The following CMSS1 variants were observed in gnomAD, a reference collection of about 807,000 sequenced individuals.
The protein encoded by CMSS1 is cms1 ribosomal small subunit homolog, also known as protein CMSS1.
A neutral mutation model predicts 43.5 loss-of-function variants in CMSS1; 33 were observed. The ratio of observed to expected loss-of-function variants is 0.76; its 90% CI spans 0.57 to 1.01. The LOEUF (loss-of-function observed/expected upper bound fraction) is 1.01, where lower values mean the gene tolerates loss of function less well. Ranked by LOEUF, CMSS1 falls within the 50% of genes least tolerant of loss-of-function variation. The pLI is 0.00. For missense variants in CMSS1, 313 were observed against 326.4 expected (o/e 0.96, Z 0.32); for synonymous variants, 115 against 117.2 (o/e 0.98, Z 0.12).
At chr3:100,065,165 A>C (rs537572371) in intron 1 of CMSS1, among the ~76,000 whole-genome samples, 75 of 152,284 alleles carry the variant, frequency 4.9e-4, no homozygotes, top group African/African-American at 1.7e-3. Flanking sequence ...GTGATGTAAC[A>C]ATGCGGGTTC....
intron 1 of CMSS1, among the ~76,000 whole-genome samples, chr3:99,873,382 G>C (rs571544861): frequency 4.3e-4 from 66 of 152,300 alleles, no homozygotes; most frequent in African/African-American, 1.5e-3. Flanking sequence ...AACAACAGAT[G>C]GGGCCATTTC....
intron 1 of CMSS1, among the ~76,000 whole-genome samples, chr3:100,008,940 T>C (rs1013812024): frequency 4.6e-5 from 7 of 152,210 alleles, no homozygotes; most frequent in Non-Finnish European, 2.9e-5. Context: ...CCTATAAATA[T>C]AGGAAAGAAA....
At chr3:99,913,214 G>A (rs930270483) in intron 1 of CMSS1, among the ~76,000 whole-genome samples, 2 of 152,086 alleles carry the variant, frequency 1.3e-5, no homozygotes, top group African/African-American at 4.8e-5. Context: ...CCAATCTCTG[G>A]TATTTTGTCA....
intron 1 of CMSS1, among the ~76,000 whole-genome samples, chr3:99,883,526 T>TA (rs1413768287): frequency 4.6e-5 from 7 of 152,116 alleles, no homozygotes; most frequent in African/African-American, 1.7e-4. Context: ...GTGTGTTGGC[T>TA]GGGGGGTGTT....
intron 1 of CMSS1, among the ~76,000 whole-genome samples, chr3:100,015,247 A>G (rs1419685099): frequency 6.6e-6 from 1 of 151,758 alleles, no homozygotes; most frequent in South Asian, 2.1e-4. Flanking sequence ...GTTCCCTTGG[A>G]TTATATGTTT....
chr3:100,014,252 C>T (rs4279135), intron 1 of CMSS1, among the ~76,000 whole-genome samples: 28,036 of 151,568 alleles, frequency 0.18, 2,934 homozygotes, highest in South Asian at 0.25. Flanking sequence ...TCAATGGACA[C>T]CTAAGTTGAT....
intron 1 of CMSS1, among the ~76,000 whole-genome samples, chr3:100,053,538 T>C (rs1416933597): frequency 6.6e-6 from 1 of 152,192 alleles, no homozygotes; most frequent in African/African-American, 2.4e-5. Flanking sequence ...CTAATCCAGT[T>C]TGACCTCATC....
At chr3:100,014,120 G>T (rs1710247836) in intron 1 of CMSS1, among the ~76,000 whole-genome samples, 1 of 150,914 alleles carries the variant, frequency 6.6e-6, no homozygotes, top group Non-Finnish European at 1.5e-5. Context: ...ATGTCCTCCA[G>T]GTTCATCCAC....
chr3:99,918,034 G>A (rs1173481419), intron 1 of CMSS1, among the ~76,000 whole-genome samples: 1 of 152,152 alleles, frequency 6.6e-6, no homozygotes. Flanking sequence ...CTGGAGTGCA[G>A]TGGCGTGATC....
At chr3:100,156,307 T>TTC (rs2066972958) in intron 2 of CMSS1, among the ~76,000 whole-genome samples, 1 of 133,394 alleles carries the variant, frequency 7.5e-6, no homozygotes, top group African/African-American at 2.8e-5. Context: ...TTCTTTTTTT[T>TTC]TTTTTTTTTT....
chr3:99,940,252 A>G (rs1211719828), intron 1 of CMSS1, among the ~76,000 whole-genome samples: 1 of 152,266 alleles, frequency 6.6e-6, no homozygotes, highest in Admixed American at 6.5e-5. Context: ...ATTTTTATGT[A>G]GTCCAAGTTA....
rs1037462013 is a variant in CMSS1 at position 99,849,940 on chromosome 3, T to C, written c.64+31897T>C. 4 of 1,613,006 alleles carry C rather than the reference T, an allele frequency of 2.5e-6. No homozygotes were observed. In the Admixed American group the frequency reaches 5.0e-5, roughly 20 times the overall value. ...CATATTAACTCTTGACAGGAGATCA[T>C]TTCCTTTCTCTTCTTCCGCTTTCAA... On this transcript the variant is annotated intron_variant, in intron 1 of 9. Coordinates refer to ENST00000421999, the MANE Select transcript of CMSS1 (RefSeq NM_032359.4).
At chr3:100,044,379 C>T (rs1158803316) in intron 1 of CMSS1, among the ~76,000 whole-genome samples, 1 of 152,054 alleles carries the variant, frequency 6.6e-6, no homozygotes, top group South Asian at 2.1e-4. Context: ...CAGGGGTAAT[C>T]TGTCAAGGGG....
chr3:99,906,061 T>C (rs1706606179), intron 1 of CMSS1, among the ~76,000 whole-genome samples: 1 of 151,994 alleles, frequency 6.6e-6, no homozygotes, highest in African/African-American at 2.4e-5. Flanking sequence ...GGCATGGTGG[T>C]GCATGCCTGT....
chr3:99,947,137 C>CA (rs397829321), intron 1 of CMSS1, among the ~76,000 whole-genome samples: 13,274 of 88,766 alleles, frequency 0.15, 1,546 homozygotes, highest in Middle Eastern at 0.21. Context: ...GACTCTGTCT[C>CA]AAAAAAAAAA....
intron 1 of CMSS1, among the ~76,000 whole-genome samples, chr3:100,082,724 A>G (rs781389252): frequency 9.2e-5 from 14 of 152,076 alleles, no homozygotes; most frequent in Non-Finnish European, 1.6e-4. Flanking sequence ...CATTTTTTAT[A>G]CCCTTACTTA....
intron 1 of CMSS1, among the ~76,000 whole-genome samples, chr3:99,913,186 CTGT>C (rs912088554): frequency 2.0e-5 from 3 of 152,174 alleles, no homozygotes; most frequent in African/African-American, 7.2e-5. Context: ...AAATAAATTT[CTGT>C]TGTTTACAAG....
At chr3:100,101,882 G>A (rs1023639858) in intron 1 of CMSS1, among the ~76,000 whole-genome samples, 1 of 151,884 alleles carries the variant, frequency 6.6e-6, no homozygotes, top group Non-Finnish European at 1.5e-5. Flanking sequence ...TTGGTTTTTT[G>A]TCCTTGCGAT....
intron 1 of CMSS1, among the ~76,000 whole-genome samples, chr3:99,823,956 C>A (rs1347141237): frequency 6.6e-6 from 1 of 150,756 alleles, no homozygotes; most frequent in Non-Finnish European, 1.5e-5. Context: ...GGAGTCTCGC[C>A]CTGTCACCCA....
Sources: gnomAD v4.1 joint callset for allele counts (sites outside exome capture counted in the v4.1 genomes callset) on GRCh38, gnomAD v4.1.1 for gene constraint, MANE v1.5 for transcripts, NCBI Gene and HGNC (gene_info 2026-07-23, HGNC 2026-07-21) for gene names.